The following CREB5 variants were observed in gnomAD, a reference collection of about 807,000 sequenced individuals.
CREB5 encodes the protein cyclic AMP-responsive element-binding protein 5.
CREB5 carries 19 observed loss-of-function variants against 57.1 expected under a neutral mutation model. That is an observed-to-expected ratio of 0.33 (90% CI 0.23 to 0.49). The LOEUF (loss-of-function observed/expected upper bound fraction) is 0.49, where lower values mean the gene tolerates loss of function less well. Ranked by LOEUF, CREB5 falls within the 20% of genes least tolerant of loss-of-function variation. CREB5 has a pLI of 0.99. For missense variants in CREB5, 579 were observed against 671.6 expected, an observed-to-expected ratio of 0.86 and a Z score of 1.52; for synonymous variants, 238 against 238.3, an observed-to-expected ratio of 1.00 and a Z score of 0.01.
At chr7:28,326,175 AT>A (rs1785598273) in intron 1 of CREB5, among the ~76,000 whole-genome samples, 1 of 148,976 alleles carries the variant, frequency 6.7e-6, no homozygotes, top group Non-Finnish European at 1.5e-5. Flanking sequence ...CTATCTATCT[AT>A]CTATCTATCT....
rs559590652 is a variant in CREB5, at chr7:28,688,415, C to G, written c.465-30338C>G. ...CTTCAGTTGCTCACATGGAGCAGAA[C>G]AGTATTTTCAATGAATTTATTCCCC... On this transcript the variant is annotated intron_variant, in intron 5 of 10. Transcript: ENST00000357727. Among the ~76,000 whole-genome samples the G allele has an allele frequency of 7.2e-5, 11 of 152,292 alleles. No homozygotes were observed. The South Asian group carries it at 8.3e-4, about 11-fold the overall frequency.
intron 7 of CREB5, among the ~76,000 whole-genome samples, chr7:28,779,453 T>A (rs895012931): frequency 6.6e-6 from 1 of 152,184 alleles, no homozygotes; most frequent in African/African-American, 2.4e-5. Context: ...ATAGCACAAA[T>A]AATGCATTTT....
At chr7:28,460,261 G>A (rs547407295) in intron 1 of CREB5, among the ~76,000 whole-genome samples, 1 of 152,184 alleles carries the variant, frequency 6.6e-6, no homozygotes, top group African/African-American at 2.4e-5. Context: ...AATGAAAAAA[G>A]GCAAAAGGGA....
intron 1 of CREB5, among the ~76,000 whole-genome samples, chr7:28,353,490 A>G (rs1371213317): frequency 6.6e-6 from 1 of 152,176 alleles, no homozygotes; most frequent in East Asian, 1.9e-4. Flanking sequence ...GCCGGGTGGA[A>G]AAGTTTATGT....
intron 1 of CREB5, among the ~76,000 whole-genome samples, chr7:28,306,559 T>TTG: frequency 1.1e-5 from 1 of 91,756 alleles, no homozygotes; most frequent in Non-Finnish European, 2.3e-5. Flanking sequence ...TTTTTTGTTT[T>TTG]TTTTTTTTTT....
chr7:28,547,389 T>C (rs943738870), intron 4 of CREB5, among the ~76,000 whole-genome samples: 1 of 152,184 alleles, frequency 6.6e-6, no homozygotes, highest in Non-Finnish European at 1.5e-5. Flanking sequence ...TCTTCACGGA[T>C]ACAAAATATG....
At chr7:28,462,998 T>G (rs1022110961) in intron 1 of CREB5, among the ~76,000 whole-genome samples, 1 of 152,134 alleles carries the variant, frequency 6.6e-6, no homozygotes, top group Non-Finnish European at 1.5e-5. Flanking sequence ...TTGTTTTTTA[T>G]TTTTTGCCAA....
intron 7 of CREB5, among the ~76,000 whole-genome samples, chr7:28,786,356 C>G (rs760603472): frequency 6.6e-6 from 1 of 152,134 alleles, no homozygotes; most frequent in African/African-American, 2.4e-5. Context: ...AAGCAATTCT[C>G]CTGCCTCAGC....
At chr7:28,577,126 T>C (rs1795937222) in intron 5 of CREB5, among the ~76,000 whole-genome samples, 2 of 152,226 alleles carry the variant, frequency 1.3e-5, no homozygotes, top group Admixed American at 1.3e-4. Context: ...TTAAAACATT[T>C]GCCACCTTGG....
chr7:28,377,930 T>TAAAAAAA (rs1786871486), intron 1 of CREB5, among the ~76,000 whole-genome samples: 1 of 4,200 alleles, frequency 2.4e-4, no homozygotes. Flanking sequence ...AGACTCTATC[T>TAAAAAAA]CAAAAAAAAA....
chr7:28,428,383 G>A (rs1401951712), intron 1 of CREB5, among the ~76,000 whole-genome samples: 2 of 152,158 alleles, frequency 1.3e-5, no homozygotes, highest in Non-Finnish European at 2.9e-5. Context: ...TTGGAGGATC[G>A]ACTGTGTAGG....
intron 1 of CREB5, among the ~76,000 whole-genome samples, chr7:28,478,634 T>C (rs1040199589): frequency 1.3e-5 from 2 of 152,144 alleles, no homozygotes; most frequent in African/African-American, 2.4e-5. Flanking sequence ...TCAGTAATAA[T>C]AGAAAATCAA....
intron 5 of CREB5, among the ~76,000 whole-genome samples, chr7:28,639,386 T>G (rs1012825919): frequency 2.0e-5 from 3 of 152,190 alleles, no homozygotes; most frequent in Non-Finnish European, 2.9e-5. Context: ...AGGCTTAAAT[T>G]TTGTGTCCTA....
At chr7:28,373,973 C>G (rs1236777063) in intron 1 of CREB5, among the ~76,000 whole-genome samples, 1 of 151,714 alleles carries the variant, frequency 6.6e-6, no homozygotes, top group Non-Finnish European at 1.5e-5. Flanking sequence ...CAGGGACACA[C>G]CAGTACCTTA....
At chr7:28,581,344 A>AT (rs1212487133) in intron 5 of CREB5, among the ~76,000 whole-genome samples, 2 of 152,178 alleles carry the variant, frequency 1.3e-5, no homozygotes, top group African/African-American at 2.4e-5. Flanking sequence ...TGGCCAGGGG[A>AT]TTTTTTAACC....
intron 7 of CREB5, among the ~76,000 whole-genome samples, chr7:28,801,620 T>C (rs1808371472): frequency 6.6e-6 from 1 of 152,196 alleles, no homozygotes; most frequent in Non-Finnish European, 1.5e-5. Flanking sequence ...TATACATATA[T>C]AGAGTTGTCT....
intron 5 of CREB5, among the ~76,000 whole-genome samples, chr7:28,705,967 G>A (rs910508695): frequency 2.6e-5 from 4 of 152,338 alleles, no homozygotes; most frequent in Middle Eastern, 3.4e-3. Context: ...GAAGAGGGTT[G>A]AGAGAAATAT....
chr7:28,716,699 G>A (rs968072433), intron 5 of CREB5, among the ~76,000 whole-genome samples: 2 of 152,224 alleles, frequency 1.3e-5, no homozygotes, highest in African/African-American at 4.8e-5. Context: ...AAGACCGGAG[G>A]ATATCAACAA....
At chr7:28,465,808 T>G (rs1195224825) in intron 1 of CREB5, among the ~76,000 whole-genome samples, 4 of 152,172 alleles carry the variant, frequency 2.6e-5, no homozygotes, top group Non-Finnish European at 5.9e-5. Flanking sequence ...AGCCACTGAA[T>G]GAATAATCTT....
Sources: gnomAD v4.1 joint callset for allele counts (sites outside exome capture counted in the v4.1 genomes callset) on GRCh38, gnomAD v4.1.1 for gene constraint, MANE v1.5 for transcripts, NCBI Gene and HGNC (gene_info 2026-07-23, HGNC 2026-07-21) for gene names.